Variants in SAR1A observed in about 807,000 individuals in gnomAD.
The protein encoded by SAR1A is secretion associated Ras related GTPase 1A, also known as small COPII coat GTPase SAR1A.
In SAR1A, 6 loss-of-function variants were observed where a neutral mutation model predicts 22.6. The ratio of observed to expected loss-of-function variants is 0.27; its 90% confidence interval spans 0.15 to 0.52. SAR1A has a LOEUF of 0.52. Among genes scored for constraint, SAR1A ranks in the 20% least tolerant of loss-of-function variants. The pLI is 0.96. For missense variants in SAR1A, 145 were observed against 245.1 expected, an observed-to-expected ratio of 0.59 and a Z score of 2.73; for synonymous variants, 70 against 82.2, an observed-to-expected ratio of 0.85 and a Z score of 0.80.
At chr10:70,158,497 T>C (rs1839423460) in intron 4 of SAR1A, among the ~76,000 whole-genome samples, 1 of 152,152 alleles carries the variant, frequency 6.6e-6, no homozygotes, top group East Asian at 1.9e-4. Context: ...TATTACTTGG[T>C]TTTTTGCTTG....
Position 70,161,712 on chromosome 10 carries a change from C to CAA in SAR1A, c.83_84dup (p.Val29LeufsTer4). Reference sequence around the variant, plus strand: ...CCTGCATTATCCAAACCTAAGAATACAAGTTTTCCAGATTTCTTGTACAGT... The same window carrying CAA: ...CCTGCATTATCCAAACCTAAGAATACAAAAGTTTTCCAGATTTCTTGTACAGT... On this transcript the variant is annotated frameshift_variant, in exon 3 of 7. Coordinates refer to ENST00000373241, the MANE Select transcript of SAR1A (RefSeq NM_020150.5). LOFTEE classifies it high-confidence loss of function. The CAA allele has an allele frequency of 6.2e-7, 1 of 1,613,748 alleles. No homozygotes were observed. Among genetic ancestry groups the CAA allele is most frequent in the South Asian group, 1.1e-5 (1 of 91,052 alleles).
intron 4 of SAR1A, 76 bp from the exon 5 acceptor site, chr10:70,157,943 T>C (rs1382960754): frequency 2.0e-6 from 2 of 989,662 alleles, no homozygotes; most frequent in African/African-American, 1.6e-5. Context: ...GTCTATAAAA[T>C]GGACAAATCT....
chr10:70,153,418 C>T (rs921046365), intron 6 of SAR1A, among the ~76,000 whole-genome samples: 3 of 152,086 alleles, frequency 2.0e-5, no homozygotes, highest in African/African-American at 7.2e-5. Flanking sequence ...CCTCTCTCAG[C>T]AAGAAGCAAT....
Position 70,147,772 on chromosome 10 carries a change from T to C in SAR1A, c.*4704A>G, listed in dbSNP as rs1839271512. 1 of 152,048 alleles carries C rather than the reference T, an allele frequency of 6.6e-6. No homozygotes were observed. The highest frequency in any genetic ancestry group is 1.5e-5 in the Non-Finnish European group (1 of 68,080). The allele number at this position is 152,048 out of a possible 1,614,324, so 9.4% of individuals were successfully genotyped here. A position where few individuals can be genotyped will look rare whatever the true frequency, so the allele number is the denominator to read the frequency against. On this transcript the variant is annotated 3_prime_UTR_variant, in exon 7 of 7. Coordinates refer to ENST00000373241, the MANE Select transcript of SAR1A (RefSeq NM_020150.5). The stretch of plus-strand genomic sequence containing the variant: ...GAGGATGAACGAGTATGTCGGGGAG[T>C]GGGGGGGCGCGGAGCTTCATGATAC...
chr10:70,163,939 T>C, intron 1 of SAR1A: 1 of 1,559,298 alleles, frequency 6.4e-7, no homozygotes. Context: ...GAAGAAGAAA[T>C]TAGAGAAACA....
At chr10:70,161,228 T>C (rs1839464200) in intron 3 of SAR1A, 159 bp from the exon 4 acceptor site, 1 of 600,812 alleles carries the variant, frequency 1.7e-6, no homozygotes, top group East Asian at 2.9e-5. Context: ...CTCAGGAGGC[T>C]GAGGGCAGGA....
At chr10:70,154,599 A>G (rs1839364070) in intron 5 of SAR1A, among the ~76,000 whole-genome samples, 1 of 151,896 alleles carries the variant, frequency 6.6e-6, no homozygotes, top group African/African-American at 2.4e-5. Flanking sequence ...CTGGGACTAC[A>G]GGCATGTGCT....
At chr10:70,160,116 A>G (rs1839449403) in intron 4 of SAR1A, among the ~76,000 whole-genome samples, 1 of 152,198 alleles carries the variant, frequency 6.6e-6, no homozygotes, top group African/African-American at 2.4e-5. Context: ...GGATGCAAAA[A>G]TGACTTCATA....
rs576679392 is a variant in SAR1A at position 70,151,808 on chromosome 10, T to G, written c.*668A>C. 14 of 152,986 alleles carry G rather than the reference T, an allele frequency of 9.2e-5. No homozygotes were observed. Among genetic ancestry groups the G allele is most frequent in the African/African-American group, 3.1e-4 (13 of 41,560 alleles). 9.5% of individuals were successfully genotyped at this position (152,986 alleles called of 1,614,324 possible). A position where few individuals can be genotyped will look rare whatever the true frequency, so the allele number is the denominator to read the frequency against. ...CACATTCCTTGATGAGGAATGAACC[T>G]AGCTTACCACAGTGGAAACCTGCCA... On this transcript the variant is annotated 3_prime_UTR_variant, in exon 7 of 7. Transcript: ENST00000373241.
Position 70,148,617 on chromosome 10 carries a change from T to A in SAR1A, c.*3859A>T, listed in dbSNP as rs1839291977. 6.6e-6 allele frequency: 1 copy of A among 151,866 alleles called. No individual in the cohort carries two copies. The highest frequency in any genetic ancestry group is 6.6e-5 in the Admixed American group (1 of 15,242). 9.4% of individuals were successfully genotyped at this position (151,866 alleles called of 1,614,324 possible). On this transcript the variant is annotated 3_prime_UTR_variant, in exon 7 of 7. Transcript: ENST00000373241. Reference sequence around the variant, plus strand: ...CAGCCTGGGCAACATGATGAGACCTTAACTCTACAAAAATTTTGAAAACTA... The same window carrying A: ...CAGCCTGGGCAACATGATGAGACCTAAACTCTACAAAAATTTTGAAAACTA...
intron 1 of SAR1A, among the ~76,000 whole-genome samples, chr10:70,165,165 T>C (rs1839531031): frequency 1.4e-5 from 2 of 145,230 alleles, no homozygotes; most frequent in African/African-American, 5.2e-5. Flanking sequence ...CTTGGGAGGC[T>C]GAGGCAGGAG....
At chr10:70,158,715 C>T (rs1406347723) in intron 4 of SAR1A, among the ~76,000 whole-genome samples, 3 of 141,498 alleles carry the variant, frequency 2.1e-5, no homozygotes, top group Admixed American at 7.3e-5. Context: ...TTTGTTACAT[C>T]GAACTTGCTC....
At chr10:70,159,804 G>T (rs570677753) in intron 4 of SAR1A, among the ~76,000 whole-genome samples, 1 of 151,962 alleles carries the variant, frequency 6.6e-6, no homozygotes, top group South Asian at 2.1e-4. Flanking sequence ...CTATACCTAC[G>T]GTCTTGTCAA....
chr10:70,160,608 G>A (rs1839456947), intron 4 of SAR1A, among the ~76,000 whole-genome samples: 1 of 152,082 alleles, frequency 6.6e-6, no homozygotes, highest in South Asian at 2.1e-4. Context: ...CCAGTTACAA[G>A]GTAAATTACA....
chr10:70,162,706 T>C (rs951288536), intron 1 of SAR1A: 3 of 152,100 alleles, frequency 2.0e-5, no homozygotes, highest in Non-Finnish European at 4.4e-5. Flanking sequence ...TGATGATACT[T>C]TGTGGATCCT....
Position 70,161,004 on chromosome 10 carries a change from C to T in SAR1A, c.244G>A (p.Ala82Thr). 1.2e-6 allele frequency: 2 copies of T among 1,611,120 alleles called. No homozygotes were observed. Among genetic ancestry groups the T allele is most frequent in the Non-Finnish European group, 1.7e-6 (2 of 1,178,092 alleles). Residue 82 changes from alanine (A) to threonine (T), a missense_variant and splice_region_variant, in exon 4 of 7, where the codon GCA (alanine) becomes ACA (threonine). Physicochemically the swap from Ala to Thr is moderately conservative, Grantham distance 58 (BLOSUM62 0). Transcript: ENST00000373241. ...TGCTTTCCACTGAGTCATCACTTACCTTGCTCGTGCCCACCAAGATCAAAA... is the reference window on the plus strand; with the variant it reads ...TGCTTTCCACTGAGTCATCACTTACTTTGCTCGTGCCCACCAAGATCAAAA... The part of the protein sequence containing the change: ...TTFDLGGHEQ[A>T]RRVWKNYLPA...
At chr10:70,155,043 T>C (rs1371826459) in intron 5 of SAR1A, 7 of 510,254 alleles carry the variant, frequency 1.4e-5, no homozygotes, top group Non-Finnish European at 2.0e-5. Flanking sequence ...AGCATTTAGA[T>C]AGACATGCAG....
chr10:70,167,898 T>C (rs187498673), intron 1 of SAR1A, among the ~76,000 whole-genome samples: 8 of 152,356 alleles, frequency 5.3e-5, no homozygotes, highest in Admixed American at 3.3e-4. Flanking sequence ...TCTCTGGAAA[T>C]TGAGTCCGCA....
At chr10:70,163,063 T>C (rs572498791) in intron 1 of SAR1A, 8 of 152,266 alleles carry the variant, frequency 5.3e-5, no homozygotes, top group Non-Finnish European at 1.2e-4. Context: ...TTAGAAATGA[T>C]TAAGCTTAGT....
Sources: allele counts gnomAD v4.1 joint callset (sites outside exome capture counted in the v4.1 genomes callset), GRCh38; gene constraint gnomAD v4.1.1; transcripts MANE v1.5; gene names NCBI Gene and HGNC (gene_info 2026-07-23, HGNC 2026-07-21).